NT5C1B: variants seen among roughly 807,000 people sequenced by gnomAD.
NT5C1B encodes the protein 5'-nucleotidase, cytosolic IB, also known as cytosolic 5'-nucleotidase 1B.
NT5C1B carries 44 observed loss-of-function variants against 57.8 expected under a neutral mutation model. That is an observed-to-expected ratio of 0.76 (90% confidence interval 0.60 to 0.98). NT5C1B has a LOEUF of 0.98. Ranked by LOEUF, NT5C1B falls within the 50% of genes least tolerant of loss-of-function variation. The pLI is 0.00. For synonymous variants in NT5C1B, 284 were observed against 282.6 expected (o/e 1.00, Z -0.05); for missense variants, 742 against 719.5 (o/e 1.03, Z -0.36).
At chr2:18,586,505 T>C in intron 2 of NT5C1B, 114 bp from the exon 3 acceptor site, 2 of 1,474,898 alleles carry the variant, frequency 1.4e-6, no homozygotes, top group South Asian at 2.7e-5. Flanking sequence ...AGTGAGAAGA[T>C]CCCTGGCCTC....
intron 8 of NT5C1B, among the ~76,000 whole-genome samples, chr2:18,566,082 C>T (rs1305857515): frequency 1.3e-5 from 2 of 152,162 alleles, no homozygotes; most frequent in African/African-American, 2.4e-5. Flanking sequence ...AATGTTCAGT[C>T]ATAATTATCT....
chr2:18,568,268 A>C (rs1664834216), intron 8 of NT5C1B, among the ~76,000 whole-genome samples: 1 of 152,226 alleles, frequency 6.6e-6, no homozygotes, highest in African/African-American at 2.4e-5. Flanking sequence ...AAGACAATGG[A>C]AGAGCATCTT....
At chr2:18,575,626 T>C (rs1379545212) in intron 8 of NT5C1B, among the ~76,000 whole-genome samples, 1 of 152,174 alleles carries the variant, frequency 6.6e-6, no homozygotes, top group Admixed American at 6.5e-5. Context: ...AGTTCATGGA[T>C]GGATTGAAAG....
intron 2 of NT5C1B, chr2:18,586,978 T>G: frequency 6.2e-7 from 1 of 1,614,170 alleles, no homozygotes; most frequent in South Asian, 1.1e-5. Flanking sequence ...GAATCGGTAG[T>G]GTGATCTCTG....
chr2:18,588,676 TTTTCAGAATATAGCC>T (rs1379911655), intron 1 of NT5C1B, among the ~76,000 whole-genome samples: 1 of 152,208 alleles, frequency 6.6e-6, no homozygotes, highest in African/African-American at 2.4e-5. Flanking sequence ...TGGGACTACA[TTTTCAGAATATAGCC>T]TTTCAAACAG....
intron 8 of NT5C1B, 146 bp from the exon 9 acceptor site, chr2:18,564,265 A>T: frequency 1.1e-6 from 1 of 920,674 alleles, no homozygotes; most frequent in Non-Finnish European, 1.5e-6. Flanking sequence ...GCAAAATGCT[A>T]AAACTTGATA....
Position 18,584,571 on chromosome 2 carries a change from G to A in NT5C1B, c.666C>T (p.Tyr222=), listed in dbSNP as rs771176431. The A allele has an allele frequency of 6.2e-7, 1 of 1,612,826 alleles. No homozygotes were observed. The highest frequency in any genetic ancestry group is 1.1e-5 in the South Asian group (1 of 90,822). Reference sequence around the variant, plus strand: ...CGTAGAACGACCTCATGGATGCCCAGTAGGCAGCCTCGTAGTCGTCCTCGT... The same window carrying A: ...CGTAGAACGACCTCATGGATGCCCAATAGGCAGCCTCGTAGTCGTCCTCGT... The change falls in exon 4 of 9, where the codon TAC becomes TAT. Residue 222 remains tyrosine, a synonymous_variant. Coordinates refer to ENST00000304081, the Ensembl canonical transcript of NT5C1B. This position sits in a 1 kb window ranked among gnomAD's most constrained non-coding sequence, Gnocchi z 5.8.
chr2:18,584,453 G>A lies in NT5C1B; in HGVS notation c.723+61C>T. On this transcript the variant is annotated intron_variant, in intron 4 of 8. Coordinates refer to ENST00000304081, the Ensembl canonical transcript of NT5C1B. This position sits in a 1 kb window ranked among gnomAD's most constrained non-coding sequence, Gnocchi z 5.8. ...ACCTCCCTGCGCAGTGGAGAGGAGG[G>A]CGGCTGGAAGAGGCTGCAAGGAAGG... 1.9e-6 allele frequency: 3 copies of A among 1,566,916 alleles called. No individual in the cohort carries two copies. The highest frequency in any genetic ancestry group is 1.9e-5 in the Admixed American group (1 of 53,954).
Position 18,584,915 on chromosome 2 carries a change from G to A in NT5C1B, c.322C>T (p.Pro108Ser). 2 of 1,551,456 alleles carry A rather than the reference G, an allele frequency of 1.3e-6. No individual in the cohort carries two copies. Among genetic ancestry groups the A allele is most frequent in the South Asian group, 1.2e-5 (1 of 83,180 alleles). Residue 108 changes from proline (P) to serine (S), a missense_variant, in exon 4 of 9, where the codon CCG becomes TCG. Physicochemically the swap from Pro to Ser is moderately conservative, Grantham distance 74 (BLOSUM62 -1). Transcript: ENST00000304081. This position sits in a 1 kb window ranked among gnomAD's most constrained non-coding sequence, Gnocchi z 5.8. ...GAGGGCTGCCCGGACAGCGGCGGCG[G>A]TGAGGAGTCATGCAGGCTTGGGGAG...
intron 8 of NT5C1B, among the ~76,000 whole-genome samples, chr2:18,570,455 C>CT (rs1384073160): frequency 1.3e-5 from 2 of 152,042 alleles, no homozygotes; most frequent in Non-Finnish European, 2.9e-5. Context: ...ATAAAACACT[C>CT]TAAGAGTTTA....
At chr2:18,570,159 A>G (rs1009552464) in intron 8 of NT5C1B, among the ~76,000 whole-genome samples, 1 of 147,932 alleles carries the variant, frequency 6.8e-6, no homozygotes, top group East Asian at 2.0e-4. Flanking sequence ...TGAATTAAAT[A>G]AAAAAAAATC....
At chr2:18,587,954 A>C (rs1450826204) in intron 1 of NT5C1B, among the ~76,000 whole-genome samples, 2 of 152,092 alleles carry the variant, frequency 1.3e-5, no homozygotes, top group Non-Finnish European at 2.9e-5. Context: ...CTACTTATGG[A>C]ACTTACTTTT....
At chr2:18,573,870 T>C (rs967313084) in intron 8 of NT5C1B, among the ~76,000 whole-genome samples, 3 of 152,160 alleles carry the variant, frequency 2.0e-5, no homozygotes, top group East Asian at 1.9e-4. Flanking sequence ...GGAAAGCATG[T>C]ATACTAGAAA....
intron 3 of NT5C1B, among the ~76,000 whole-genome samples, chr2:18,585,614 C>G (rs935154042): frequency 2.0e-5 from 3 of 152,088 alleles, no homozygotes; most frequent in Non-Finnish European, 4.4e-5. Flanking sequence ...TAGGGAAGGG[C>G]CATTCTAGAG....
exon 6 of NT5C1B, chr2:18,582,949 G>C: frequency 6.2e-7 from 1 of 1,614,060 alleles, no homozygotes; most frequent in South Asian, 1.1e-5. Context: ...AATAAGTCCT[G>C]TTCATCAGGA....
At chr2:18,568,087 GACACACACACACACACACAC>G (rs3046807) in intron 8 of NT5C1B, among the ~76,000 whole-genome samples, 1 of 142,598 alleles carries the variant, frequency 7.0e-6, no homozygotes, top group Non-Finnish European at 1.5e-5. Context: ...AATGCTGTGG[GACACACACACACACACACAC>G]ACACACACAC....
exon 9 of NT5C1B, chr2:18,563,964 C>G: frequency 2.5e-6 from 4 of 1,614,170 alleles, no homozygotes; most frequent in Non-Finnish European, 3.4e-6. Context: ...TCTCTAGACC[C>G]CAGCGTCGAA....
intron 8 of NT5C1B, among the ~76,000 whole-genome samples, chr2:18,572,292 A>C (rs981324325): frequency 2.0e-5 from 3 of 152,136 alleles, no homozygotes; most frequent in Admixed American, 2.0e-4. Context: ...TACCATATTG[A>C]CTCAAAATAG....
At chr2:18,563,830 G>A in exon 9 of NT5C1B, 1 of 1,587,840 alleles carries the variant, frequency 6.3e-7, no homozygotes, top group Non-Finnish European at 8.6e-7. Flanking sequence ...GCCATAAGCT[G>A]CGATGGAACC....
Sources: gnomAD v4.1 joint callset for allele counts (sites outside exome capture counted in the v4.1 genomes callset) on GRCh38, gnomAD v4.1.1 for gene constraint, Gnocchi (gnomAD v3.1) non-coding constraint, MANE v1.5 for transcripts, NCBI Gene and HGNC (gene_info 2026-07-23, HGNC 2026-07-21) for gene names.